PLAAT1: variants seen among roughly 807,000 people sequenced by gnomAD.
The protein encoded by PLAAT1 is phospholipase A and acyltransferase 1, also known as H-REV107 protein-related protein.
PLAAT1 carries 13 observed loss-of-function variants against 16.4 expected under a neutral mutation model. The ratio of observed to expected loss-of-function variants is 0.79; its 90% confidence interval spans 0.52 to 1.26. PLAAT1 has a LOEUF of 1.26. Among genes scored for constraint, PLAAT1 ranks in the 50% most tolerant of loss-of-function variants. The pLI is 0.00. For synonymous variants in PLAAT1, 73 were observed against 78.4 expected, an observed-to-expected ratio of 0.93 and a Z score of 0.36; for missense variants, 218 against 207.8, an observed-to-expected ratio of 1.05 and a Z score of -0.30.
intron 3 of PLAAT1, among the ~76,000 whole-genome samples, chr3:193,267,355 A>G (rs1716816428): frequency 6.6e-6 from 1 of 151,770 alleles, no homozygotes; most frequent in Admixed American, 6.6e-5. Context: ...TGCTCCACCT[A>G]TTCATCCTTC....
chr3:193,278,689 G>A (rs917095119), downstream of PLAAT1, among the ~76,000 whole-genome samples: 3 of 152,158 alleles, frequency 2.0e-5, no homozygotes, highest in African/African-American at 7.2e-5. Context: ...GACAGCCACA[G>A]TCCACAGTGG....
chr3:193,274,281 A>G (rs1337183702), downstream of PLAAT1, among the ~76,000 whole-genome samples: 1 of 152,192 alleles, frequency 6.6e-6, no homozygotes, highest in Non-Finnish European at 1.5e-5. Flanking sequence ...AGTAACAAGC[A>G]GTAAATGTTG....
intron 3 of PLAAT1, 150 bp downstream of exon 3, chr3:193,263,385 C>T (rs1405664904): frequency 1.4e-6 from 1 of 723,846 alleles, no homozygotes; most frequent in Middle Eastern, 4.0e-4. Context: ...CAAGGTCCTG[C>T]AACAAGTTAA....
upstream of PLAAT1, chr3:193,241,179 C>T: frequency 8.2e-7 from 1 of 1,213,736 alleles, no homozygotes; most frequent in Non-Finnish European, 1.0e-6. Context: ...CTAGCCGGAG[C>T]GACTGTGCCC....
At position 193,255,789 on chromosome 3, in the gene PLAAT1, G is replaced by A. The variant is rs149064282; in HGVS notation, c.139G>A (p.Asp47Asn). ...DGYVINIAPV[D>N]GIPASFTSAK... is the part of the protein sequence containing the mutation. ...TTACGTTATCAACATAGCACCTGTA[G>A]GTGAGGTTTATTTCCAGTGGCTCCT... Residue 47 changes from aspartate to asparagine, a missense_variant and splice_region_variant, in exon 2 of 4, where the codon GAT becomes AAT. Coordinates refer to ENST00000264735, the MANE Select transcript of PLAAT1 (RefSeq NM_020386.5). 6 of 1,582,078 alleles carry A rather than the reference G, an allele frequency of 3.8e-6. No homozygotes were observed. Among genetic ancestry groups the A allele is most frequent in the Non-Finnish European group, 5.2e-6 (6 of 1,161,982 alleles).
Position 193,241,333 on chromosome 3 carries a change from T to TGGCGGCGCTGGTGCTGGC in PLAAT1, c.-199_-182dup. ...AGGGGCCGCCGGGACCGTTTCAGCG[T>TGGCGGCGCTGGTGCTGGC]GGCGGCGCTGGTGCTGGCGTTGGCC... On this transcript the variant is annotated 5_prime_UTR_variant, in exon 1 of 4. Coordinates refer to ENST00000264735, the MANE Select transcript of PLAAT1 (RefSeq NM_020386.5). The TGGCGGCGCTGGTGCTGGC allele has an allele frequency of 8.1e-7, 1 of 1,231,334 alleles. No individual in the cohort carries two copies. The highest frequency in any genetic ancestry group is 3.2e-5 in the East Asian group (1 of 31,652). 76.3% of individuals were successfully genotyped at this position (1,231,334 alleles called of 1,614,324 possible).
intron 3 of PLAAT1, among the ~76,000 whole-genome samples, chr3:193,268,647 A>G (rs1476530378): frequency 6.6e-6 from 1 of 152,250 alleles, no homozygotes; most frequent in African/African-American, 2.4e-5. Flanking sequence ...TTCATTATCT[A>G]GAATGAGACT....
downstream of PLAAT1, chr3:193,277,761 C>T (rs1371094774): frequency 2.0e-5 from 3 of 152,206 alleles, no homozygotes; most frequent in Non-Finnish European, 4.4e-5. Flanking sequence ...TCATGGCTGC[C>T]ACCACTCCAA....
intron 3 of PLAAT1, among the ~76,000 whole-genome samples, chr3:193,265,651 T>A (rs1477816896): frequency 6.6e-6 from 1 of 151,284 alleles, no homozygotes; most frequent in Non-Finnish European, 1.5e-5. Flanking sequence ...CTCAAAATTT[T>A]TTTTTAAATA....
chr3:193,255,981 C>G (rs1250114657), intron 2 of PLAAT1, among the ~76,000 whole-genome samples, 192 bp downstream of exon 2: 1 of 152,174 alleles, frequency 6.6e-6, no homozygotes, highest in Non-Finnish European at 1.5e-5. Flanking sequence ...AAGGCCAATT[C>G]ACATGAAATT....
chr3:193,250,656 G>A (rs1273838329), intron 1 of PLAAT1, among the ~76,000 whole-genome samples: 1 of 152,120 alleles, frequency 6.6e-6, no homozygotes, highest in Non-Finnish European at 1.5e-5. Flanking sequence ...GCTGGCACAA[G>A]CCAGAGGAAA....
chr3:193,241,504 G>T lies in PLAAT1; in HGVS notation c.-30G>T, dbSNP rs576701227. On this transcript the variant is annotated 5_prime_UTR_variant, in exon 1 of 4. Transcript: ENST00000264735. ...AGGACACACACAGCTGCCTCCCGGT[G>T]CGAGAAGAAGACCCCGGCTTGAGAG... 1.1e-5 allele frequency: 14 copies of T among 1,231,958 alleles called. No homozygotes were observed. The African/African-American group carries it at 1.5e-4, about 14-fold the overall frequency. The allele number at this position is 1,231,958 out of a possible 1,614,324, so 76.3% of individuals were successfully genotyped here. A position where few individuals can be genotyped will look rare whatever the true frequency, so the allele number is the denominator to read the frequency against.
intron 2 of PLAAT1, among the ~76,000 whole-genome samples, 190 bp from the exon 3 acceptor site, chr3:193,262,780 C>G (rs1489422911): frequency 1.3e-5 from 2 of 152,138 alleles, no homozygotes; most frequent in African/African-American, 4.8e-5. Flanking sequence ...CTCACTCATA[C>G]AATAGTAAGT....
At chr3:193,279,214 C>A (rs1380125766), downstream of PLAAT1, 11 of 591,382 alleles carry the variant, frequency 1.9e-5, no homozygotes, top group Non-Finnish European at 3.0e-5. Context: ...TAGGTGAAAT[C>A]CAGATATCTT....
downstream of PLAAT1, chr3:193,279,424 A>C: frequency 1.2e-6 from 2 of 1,613,892 alleles, no homozygotes; most frequent in Non-Finnish European, 1.7e-6. Flanking sequence ...TGTGAGGCCC[A>C]AGGCAGCTAG....
In PLAAT1 at chr3:193,241,336, C is replaced by CGGCGCTGGTGCTGGCGTT; in HGVS notation, c.-194_-177dup. The CGGCGCTGGTGCTGGCGTT allele has an allele frequency of 8.1e-7, 1 of 1,231,404 alleles. No individual in the cohort carries two copies. Among genetic ancestry groups the CGGCGCTGGTGCTGGCGTT allele is most frequent in the Non-Finnish European group, 1.0e-6 (1 of 987,748 alleles). The allele number at this position is 1,231,404 out of a possible 1,614,324, so 76.3% of individuals were successfully genotyped here. On this transcript the variant is annotated 5_prime_UTR_variant, in exon 1 of 4. Coordinates refer to ENST00000264735, the MANE Select transcript of PLAAT1 (RefSeq NM_020386.5). ...GGCCGCCGGGACCGTTTCAGCGTGG[C>CGGCGCTGGTGCTGGCGTT]GGCGCTGGTGCTGGCGTTGGCCCTG... is the stretch of plus-strand genomic sequence containing the variant.
intron 2 of PLAAT1, among the ~76,000 whole-genome samples, chr3:193,258,740 T>G (rs969280424): frequency 6.6e-6 from 1 of 151,698 alleles, no homozygotes; most frequent in Non-Finnish European, 1.5e-5. Context: ...GTTCCAAAAT[T>G]GAATCAGTAA....
intron 2 of PLAAT1, among the ~76,000 whole-genome samples, chr3:193,258,692 C>T (rs960530786): frequency 2.0e-5 from 3 of 151,794 alleles, no homozygotes; most frequent in Non-Finnish European, 2.9e-5. Flanking sequence ...CAACATTGAA[C>T]CAGGAAAAAA....
chr3:193,266,821 A>C (rs1397317209), intron 3 of PLAAT1, among the ~76,000 whole-genome samples: 1 of 152,134 alleles, frequency 6.6e-6, no homozygotes. Flanking sequence ...ACTGGATTAT[A>C]TATTACTATC....
Sources: gnomAD v4.1 joint callset for allele counts (sites outside exome capture counted in the v4.1 genomes callset) on GRCh38, gnomAD v4.1.1 for gene constraint, MANE v1.5 for transcripts, NCBI Gene and HGNC (gene_info 2026-07-23, HGNC 2026-07-21) for gene names.